Variants in SLC30A10 observed in about 807,000 individuals in gnomAD.
SLC30A10 encodes the protein solute carrier family 30 member 10.
Under a neutral mutation model 21.7 loss-of-function variants are expected in SLC30A10, and 8 were observed. That is an observed-to-expected ratio of 0.37 (90% CI 0.22 to 0.67). The LOEUF (loss-of-function observed/expected upper bound fraction) is 0.67. SLC30A10 is among the 30% of genes least tolerant of loss of function. The pLI, the probability that SLC30A10 is intolerant of heterozygous loss-of-function variation, is 0.58. For synonymous variants in SLC30A10, 272 were observed against 279.4 expected, an observed-to-expected ratio of 0.97 and a Z score of 0.26; for missense variants, 521 against 642.5, an observed-to-expected ratio of 0.81 and a Z score of 2.04.
intron 1 of SLC30A10, among the ~76,000 whole-genome samples, chr1:219,939,002 C>A (rs1312453050): frequency 6.6e-6 from 1 of 152,122 alleles, no homozygotes; most frequent in African/African-American, 2.4e-5. Context: ...TTTTTAAGAG[C>A]AATTTTTATT....
intron 1 of SLC30A10, among the ~76,000 whole-genome samples, chr1:219,945,628 T>C (rs993097046): frequency 5.3e-5 from 8 of 152,170 alleles, no homozygotes; most frequent in African/African-American, 1.7e-4. Context: ...TAATTAGCAT[T>C]GCAGAAGGAG....
chr1:219,915,159 A>T lies in SLC30A10; in HGVS notation c.*290T>A. On this transcript the variant is annotated 3_prime_UTR_variant, in exon 4 of 4. Coordinates refer to ENST00000366926, the MANE Select transcript of SLC30A10 (RefSeq NM_018713.3). The stretch of plus-strand genomic sequence containing the variant: ...CGCAGCTATTGAGCCCCAGTCCCAG[A>T]CTTTAATGTCCCTGATATATACACT... 1 of 365,534 alleles carries T rather than the reference A, an allele frequency of 2.7e-6. No homozygotes were observed. Among genetic ancestry groups the T allele is most frequent in the Non-Finnish European group, 5.0e-6 (1 of 199,696 alleles). 22.6% of individuals were successfully genotyped at this position (365,534 alleles called of 1,614,324 possible). A position where few individuals can be genotyped will look rare whatever the true frequency, so the allele number is the denominator to read the frequency against.
intron 1 of SLC30A10, among the ~76,000 whole-genome samples, chr1:219,947,556 T>C (rs913248872): frequency 2.0e-5 from 3 of 152,068 alleles, no homozygotes; most frequent in African/African-American, 7.2e-5. Context: ...CTCCTCAAAA[T>C]TCTCTAAAGA....
Position 219,915,851 on chromosome 1 carries a change from C to G in SLC30A10, c.1056G>C (p.Lys352Asn). The G allele has an allele frequency of 6.2e-7, 1 of 1,614,208 alleles. No homozygotes were observed. Among genetic ancestry groups the G allele is most frequent in the Non-Finnish European group, 8.5e-7 (1 of 1,180,048 alleles). Reference sequence around the variant, plus strand: ...CTTGATATCCCCTGTCCTTAGGATACTTGATGTGCAGGGTGGCAATAATCT... The same window carrying G: ...CTTGATATCCCCTGTCCTTAGGATAGTTGATGTGCAGGGTGGCAATAATCT... ...SGKIIATLHI[K>N]YPKDRGYQDA... The change falls in exon 4 of 4, where the codon AAG becomes AAC. Residue 352 changes from lysine (K) to asparagine (N), a missense_variant. Physicochemically the swap from Lys to Asn is moderately conservative, Grantham distance 94. Coordinates refer to ENST00000366926, the MANE Select transcript of SLC30A10 (RefSeq NM_018713.3).
intron 2 of SLC30A10, among the ~76,000 whole-genome samples, chr1:219,921,071 G>A (rs533511097): frequency 6.6e-6 from 1 of 152,194 alleles, no homozygotes. Context: ...GCGTGGAAAA[G>A]AAAACAAATT....
At chr1:219,956,039 G>A (rs1034306008) in intron 1 of SLC30A10, among the ~76,000 whole-genome samples, 10 of 152,178 alleles carry the variant, frequency 6.6e-5, no homozygotes, top group Admixed American at 5.9e-4. Flanking sequence ...AACCAATTTA[G>A]ATGATGGGAA....
chr1:219,924,376 G>A (rs933572783), intron 2 of SLC30A10, among the ~76,000 whole-genome samples: 14 of 152,300 alleles, frequency 9.2e-5, no homozygotes, highest in Middle Eastern at 3.4e-3. Context: ...GCTATGAGCT[G>A]GGGTGACTTG....
upstream of SLC30A10, among the ~76,000 whole-genome samples, chr1:219,929,235 G>A (rs1659927306): frequency 1.3e-5 from 2 of 152,184 alleles, no homozygotes; most frequent in Admixed American, 6.5e-5. Flanking sequence ...TCCCCTTCAG[G>A]ATCTTCGCTG....
At chr1:219,917,154 A>C (rs1273991838) in intron 3 of SLC30A10, among the ~76,000 whole-genome samples, 1 of 151,624 alleles carries the variant, frequency 6.6e-6, no homozygotes, top group Non-Finnish European at 1.5e-5. Flanking sequence ...ATTTATAAAA[A>C]ATAATTTTTT....
At position 219,915,584 on chromosome 1, in the gene SLC30A10, T is replaced by A. The variant is rs371035965; in HGVS notation, c.1323A>T (p.Gly441=). The A allele has an allele frequency of 2.5e-6, 4 of 1,614,058 alleles. No individual in the cohort carries two copies. The African/African-American group carries it at 5.3e-5, about 22-fold the overall frequency. The change falls in exon 4 of 4, where the codon GGA becomes GGT. Residue 441 remains glycine, a synonymous_variant. Coordinates refer to ENST00000366926, the MANE Select transcript of SLC30A10 (RefSeq NM_018713.3). ...CGTCTCTTCTACTGAGGCCATCACT[T>A]CCGTATGTGTCTAGAGAGGGCCCAC... is the stretch of plus-strand genomic sequence containing the variant. ...HNGGPSLDTY[G]SDGLSRRDAR...
chr1:219,934,314 T>G (rs1413565733), intron 1 of SLC30A10, among the ~76,000 whole-genome samples: 1 of 151,646 alleles, frequency 6.6e-6, no homozygotes, highest in African/African-American at 2.4e-5. Context: ...ACCAAAAAAA[T>G]TAGCCGGGCA....
intron 3 of SLC30A10, among the ~76,000 whole-genome samples, chr1:219,917,858 G>A (rs991358697): frequency 1.3e-5 from 2 of 151,866 alleles, no homozygotes; most frequent in African/African-American, 2.4e-5. Context: ...TTACAGGCGC[G>A]TGCTACCACG....
Position 219,918,133 on chromosome 1 carries a change from A to G in SLC30A10, c.958+122T>C. On this transcript the variant is annotated intron_variant, in intron 3 of 3. Transcript: ENST00000366926. This position sits in a 1 kb window ranked among gnomAD's most constrained non-coding sequence, Gnocchi z 4.4. ...TAAAACATATGATGACATCTCTACCACCTGGTGATTTAAGGTGTTTCAGAA... is the reference window on the plus strand; with the variant it reads ...TAAAACATATGATGACATCTCTACCGCCTGGTGATTTAAGGTGTTTCAGAA... The G allele has an allele frequency of 3.9e-6, 5 of 1,280,898 alleles. No homozygotes were observed. The highest frequency in any genetic ancestry group is 2.0e-4 in the Middle Eastern group (1 of 5,060). The allele number at this position is 1,280,898 out of a possible 1,614,324, so 79.3% of individuals were successfully genotyped here. A position where few individuals can be genotyped will look rare whatever the true frequency, so the allele number is the denominator to read the frequency against.
rs1473327162 is a variant in SLC30A10 at position 219,912,796 on chromosome 1, T to C, written c.*2653A>G. Among the ~76,000 whole-genome samples, 3 of 151,760 alleles carry C rather than the reference T, an allele frequency of 2.0e-5. No individual in the cohort carries two copies. Among genetic ancestry groups the C allele is most frequent in the African/African-American group, 7.3e-5 (3 of 41,274 alleles). On this transcript the variant is annotated 3_prime_UTR_variant, in exon 4 of 4. Coordinates refer to ENST00000366926, the MANE Select transcript of SLC30A10 (RefSeq NM_018713.3). ...TTGCAGTGAGCCGAGATAGCACCACTGCACTCCAGCCTGGGCGACAGAGCA... is the reference window on the plus strand; with the variant it reads ...TTGCAGTGAGCCGAGATAGCACCACCGCACTCCAGCCTGGGCGACAGAGCA...
intron 1 of SLC30A10, among the ~76,000 whole-genome samples, chr1:219,957,281 C>T (rs1235478731): frequency 6.6e-6 from 1 of 152,046 alleles, no homozygotes; most frequent in East Asian, 1.9e-4. Flanking sequence ...GTTCTACCAA[C>T]AGGAAAATCG....
rs77015523 is a variant in SLC30A10, at chr1:219,927,638, TAAAAAAAAAAAAA to T, written c.640+150_640+162del. ...GGGATTGTAAAGGGAATGGATTTAT[TAAAAAAAAAAAAA>T]AAAAAAAAAAAAAAAAACAACAACA... On this transcript the variant is annotated intron_variant, in intron 1 of 3. Coordinates refer to ENST00000366926, the MANE Select transcript of SLC30A10 (RefSeq NM_018713.3). 0.096 allele frequency among the ~76,000 whole-genome samples: 5,171 copies of T among 53,600 alleles called. 568 individuals are homozygous for T. The highest frequency in any genetic ancestry group is 0.27 in the African/African-American group (4,854 of 18,110). The allele number at this position is 53,600 out of a possible 152,430, so 35.2% of individuals were successfully genotyped here. A position where few individuals can be genotyped will look rare whatever the true frequency, so the allele number is the denominator to read the frequency against.
In SLC30A10 at chr1:219,918,163, T is replaced by A; in HGVS notation, c.958+92A>T. 6.7e-7 allele frequency: 1 copy of A among 1,495,138 alleles called. No homozygotes were observed. The highest frequency in any genetic ancestry group is 9.1e-7 in the Non-Finnish European group (1 of 1,100,404). 92.6% of individuals were successfully genotyped at this position (1,495,138 alleles called of 1,614,324 possible). ...GTGATTTAAGGTGTTTCAGAATACA[T>A]AACTCAAACACTGCTCTTAAATAAT... On this transcript the variant is annotated intron_variant, in intron 3 of 3. Transcript: ENST00000366926. This position sits in a 1 kb window ranked among gnomAD's most constrained non-coding sequence, Gnocchi z 4.4.
intron 2 of SLC30A10, among the ~76,000 whole-genome samples, chr1:219,924,630 G>A (rs1051999713): frequency 6.6e-6 from 1 of 152,124 alleles, no homozygotes. Flanking sequence ...CAGCTAACAC[G>A]GAAGCACTAT....
chr1:219,939,356 A>G (rs1660087348), intron 1 of SLC30A10, among the ~76,000 whole-genome samples: 1 of 152,206 alleles, frequency 6.6e-6, no homozygotes, highest in Non-Finnish European at 1.5e-5. Context: ...ATTGGGGAAT[A>G]CAACAGTTAT....
Sources: gnomAD v4.1 joint callset for allele counts (sites outside exome capture counted in the v4.1 genomes callset) on GRCh38, gnomAD v4.1.1 for gene constraint, Gnocchi (gnomAD v3.1) non-coding constraint, MANE v1.5 for transcripts, NCBI Gene and HGNC (gene_info 2026-07-23, HGNC 2026-07-21) for gene names.